The following KCNMB2 variants were observed in gnomAD, a reference collection of about 807,000 sequenced individuals.
The protein encoded by KCNMB2 is calcium-activated potassium channel subunit beta-2.
KCNMB2 carries 9 observed loss-of-function variants against 24.5 expected under a neutral mutation model. The observed-to-expected ratio is 0.37, with a 90% CI of 0.22 to 0.64. KCNMB2 has a LOEUF of 0.64. Ranked by LOEUF, KCNMB2 falls within the 30% of genes least tolerant of loss-of-function variation. The pLI is 0.63. For synonymous variants in KCNMB2, 109 were observed against 104.4 expected, an observed-to-expected ratio of 1.04 and a Z score of -0.27; for missense variants, 226 against 284.3, an observed-to-expected ratio of 0.79 and a Z score of 1.47.
intron 1 of KCNMB2, among the ~76,000 whole-genome samples, chr3:178,558,037 T>A (rs1026535412): frequency 6.6e-6 from 1 of 152,232 alleles, no homozygotes; most frequent in Non-Finnish European, 1.5e-5. Flanking sequence ...AGAAAATCTG[T>A]AAATTGGTTT....
At chr3:178,539,982 C>T (rs558275047) in intron 1 of KCNMB2, among the ~76,000 whole-genome samples, 1 of 152,284 alleles carries the variant, frequency 6.6e-6, no homozygotes, top group Admixed American at 6.5e-5. Context: ...TAATCCCTAA[C>T]CTTGACTTTT....
Position 178,823,171 on chromosome 3 carries a change from G to C in KCNMB2, c.57-2417G>C, listed in dbSNP as rs369510275. ...AGGGTGAAGTTTTAAAAGCTTTGAT[G>C]TAAATCCTAGAATTTCCAAACAAAA... On this transcript the variant is annotated intron_variant, in intron 2 of 4. Transcript: ENST00000452583. 3.9e-5 allele frequency among the ~76,000 whole-genome samples: 6 copies of C among 152,182 alleles called. No individual in the cohort carries two copies. The East Asian group carries it at 5.8e-4, about 15-fold the overall frequency.
intron 1 of KCNMB2, among the ~76,000 whole-genome samples, chr3:178,711,310 A>C (rs374220957): frequency 6.6e-6 from 1 of 152,104 alleles, no homozygotes; most frequent in Non-Finnish European, 1.5e-5. Context: ...ACAAGTAAAA[A>C]CTCTTAATAT....
intron 1 of KCNMB2, among the ~76,000 whole-genome samples, chr3:178,791,849 A>C (rs1247552659): frequency 6.6e-6 from 1 of 150,894 alleles, no homozygotes; most frequent in Non-Finnish European, 1.5e-5. Context: ...AAGTACTGAA[A>C]GAAAAAAAAA....
At chr3:178,680,906 G>A (rs1027282974) in intron 1 of KCNMB2, among the ~76,000 whole-genome samples, 5 of 152,152 alleles carry the variant, frequency 3.3e-5, no homozygotes, top group African/African-American at 7.2e-5. Context: ...CTGAAGGACT[G>A]TCATTGAAAG....
At chr3:178,556,851 C>T (rs1261638953) in intron 1 of KCNMB2, among the ~76,000 whole-genome samples, 1 of 152,152 alleles carries the variant, frequency 6.6e-6, no homozygotes, top group African/African-American at 2.4e-5. Flanking sequence ...TAGCATGAAG[C>T]ATAAGGGACT....
intron 1 of KCNMB2, among the ~76,000 whole-genome samples, chr3:178,658,817 T>C (rs1048448524): frequency 6.6e-6 from 1 of 152,204 alleles, no homozygotes; most frequent in African/African-American, 2.4e-5. Flanking sequence ...ACTGCTCAGA[T>C]TATTACATCA....
chr3:178,731,952 T>C (rs886758816), intron 1 of KCNMB2, among the ~76,000 whole-genome samples: 2 of 152,018 alleles, frequency 1.3e-5, no homozygotes, highest in Non-Finnish European at 2.9e-5. Flanking sequence ...ACTACGAATA[T>C]ACAGGAAGTA....
intron 1 of KCNMB2, among the ~76,000 whole-genome samples, chr3:178,669,723 C>T (rs1433216022): frequency 1.3e-5 from 2 of 151,896 alleles, no homozygotes; most frequent in Non-Finnish European, 2.9e-5. Flanking sequence ...CACCATGAAA[C>T]ATAAAATCAT....
intron 1 of KCNMB2, among the ~76,000 whole-genome samples, chr3:178,635,633 C>T (rs972152221): frequency 2.6e-5 from 4 of 152,154 alleles, no homozygotes; most frequent in Admixed American, 6.5e-5. Flanking sequence ...CAACTCTGCC[C>T]GGTTTTCTGT....
At chr3:178,611,475 C>T (rs1033788609) in intron 1 of KCNMB2, among the ~76,000 whole-genome samples, 11 of 152,076 alleles carry the variant, frequency 7.2e-5, no homozygotes, top group African/African-American at 2.2e-4. Flanking sequence ...GAGGCCGAAG[C>T]GGGCAGGTCA....
In KCNMB2 at chr3:178,842,947, TG is replaced by T; in HGVS notation, c.*12del. ...ACGGATCAATAGATAAATGCAAAAA[TG>T]GATAAAATAATTTTTGTTAAAGCTC... is the stretch of plus-strand genomic sequence containing the variant. On this transcript the variant is annotated 3_prime_UTR_variant, in exon 5 of 5. Transcript: ENST00000452583. 1.9e-6 allele frequency: 3 copies of T among 1,587,232 alleles called. No individual in the cohort carries two copies. The highest frequency in any genetic ancestry group is 2.6e-6 in the Non-Finnish European group (3 of 1,166,206).
At chr3:178,612,045 G>A (rs58659319) in intron 1 of KCNMB2, among the ~76,000 whole-genome samples, 3,617 of 152,050 alleles carry the variant, frequency 0.024, 145 homozygotes, top group African/African-American at 0.082. Flanking sequence ...TCATTTTCAC[G>A]TATTTGTATA....
At position 178,714,352 on chromosome 3, in the gene KCNMB2, A is replaced by G. The variant is rs376860023; in HGVS notation, c.-67-92991A>G. Among the ~76,000 whole-genome samples, 4 of 152,334 alleles carry G rather than the reference A, an allele frequency of 2.6e-5. No individual in the cohort carries two copies. In the East Asian group the frequency reaches 7.7e-4, roughly 29 times the overall value. ...AGACAGACCCTCAAACAAGTAAGTTACAAGTGCTCTCCTGGACTCATGAGG... is the reference window on the plus strand; with the variant it reads ...AGACAGACCCTCAAACAAGTAAGTTGCAAGTGCTCTCCTGGACTCATGAGG... On this transcript the variant is annotated intron_variant, in intron 1 of 4. Transcript: ENST00000452583.
At chr3:178,695,360 AT>A (rs1429551527) in intron 1 of KCNMB2, among the ~76,000 whole-genome samples, 2 of 151,954 alleles carry the variant, frequency 1.3e-5, no homozygotes, top group African/African-American at 4.8e-5. Flanking sequence ...CATTTTCCCC[AT>A]TGTCTTGGTG....
intron 1 of KCNMB2, among the ~76,000 whole-genome samples, chr3:178,587,607 T>G (rs1717493178): frequency 1.3e-5 from 2 of 150,586 alleles, no homozygotes; most frequent in East Asian, 1.9e-4. Flanking sequence ...GGGTGGTTTT[T>G]TTTTTTTTTT....
intron 1 of KCNMB2, among the ~76,000 whole-genome samples, chr3:178,724,692 G>T (rs1170950622): frequency 6.6e-6 from 1 of 152,104 alleles, no homozygotes; most frequent in Non-Finnish European, 1.5e-5. Flanking sequence ...ATGGTGAGAG[G>T]TAGGGGTCCA....
At chr3:178,759,306 T>C (rs1196905771) in intron 1 of KCNMB2, among the ~76,000 whole-genome samples, 1 of 107,098 alleles carries the variant, frequency 9.3e-6, no homozygotes, top group African/African-American at 3.8e-5. Flanking sequence ...CATATATATA[T>C]CTCCAAGAGG....
At chr3:178,819,775 A>T (rs975392540) in intron 2 of KCNMB2, among the ~76,000 whole-genome samples, 2 of 152,242 alleles carry the variant, frequency 1.3e-5, no homozygotes, top group Non-Finnish European at 2.9e-5. Context: ...CAATAATTCT[A>T]AAATATTAGC....
Sources: allele counts gnomAD v4.1 joint callset (sites outside exome capture counted in the v4.1 genomes callset), GRCh38; gene constraint gnomAD v4.1.1; transcripts MANE v1.5; gene names NCBI Gene and HGNC (gene_info 2026-07-23, HGNC 2026-07-21).